The following INVS variants were observed in gnomAD, a reference collection of about 807,000 sequenced individuals.
INVS encodes inversin, also known as inversion of embryo turning homolog.
INVS carries 86 observed loss-of-function variants against 108.8 expected under a neutral mutation model. The ratio of observed to expected loss-of-function variants is 0.79; its 90% CI spans 0.66 to 0.95. The LOEUF (loss-of-function observed/expected upper bound fraction) is 0.95, where lower values mean the gene tolerates loss of function less well. Among genes scored for constraint, INVS ranks in the 40% least tolerant of loss-of-function variants. The pLI is 0.00. For synonymous variants in INVS, 455 were observed against 473.5 expected, an observed-to-expected ratio of 0.96 and a Z score of 0.51; for missense variants, 1,169 against 1,297.4, an observed-to-expected ratio of 0.90 and a Z score of 1.52.
chr9:100,180,973 A>G (rs1392088119), intron 3 of INVS, among the ~76,000 whole-genome samples: 5 of 152,232 alleles, frequency 3.3e-5, no homozygotes, highest in Non-Finnish European at 5.9e-5. Flanking sequence ...GGCTGGTTCA[A>G]CATACACAAA....
intron 3 of INVS, among the ~76,000 whole-genome samples, chr9:100,173,555 C>G (rs1161621743): frequency 2.0e-5 from 3 of 152,086 alleles, no homozygotes; most frequent in Admixed American, 6.6e-5. Context: ...TGGTGAAACC[C>G]CGTCTCTACT....
chr9:100,298,558 G>A (rs971723731), intron 16 of INVS, among the ~76,000 whole-genome samples: 4 of 152,022 alleles, frequency 2.6e-5, no homozygotes, highest in Non-Finnish European at 5.9e-5. Flanking sequence ...GTTCATTGCT[G>A]TCAGCAGCTA....
In INVS at chr9:100,283,640, C is replaced by A. The variant is rs534433828; in HGVS notation, c.1785-680C>A. Reference sequence around the variant, plus strand: ...CCCAGCTACTCATCTTTAGACGGGCCCCTGCTCCCCAGCCCTTCTCTGTTC... The same window carrying A: ...CCCAGCTACTCATCTTTAGACGGGCACCTGCTCCCCAGCCCTTCTCTGTTC... On this transcript the variant is annotated intron_variant, in intron 12 of 16. Transcript: ENST00000262457. Among the ~76,000 whole-genome samples, 10 of 152,264 alleles carry A rather than the reference C, an allele frequency of 6.6e-5. No individual in the cohort carries two copies. In the East Asian group the frequency reaches 1.9e-3, roughly 29 times the overall value.
intron 2 of INVS, among the ~76,000 whole-genome samples, chr9:100,111,545 G>A (rs983548357): frequency 3.3e-5 from 5 of 152,218 alleles, no homozygotes; most frequent in African/African-American, 1.2e-4. Flanking sequence ...CTCCACAGTT[G>A]CCAGAATAAT....
chr9:100,179,249 G>A (rs919052777), intron 3 of INVS, among the ~76,000 whole-genome samples: 3 of 152,082 alleles, frequency 2.0e-5, no homozygotes, highest in Non-Finnish European at 4.4e-5. Flanking sequence ...AAAATAACCA[G>A]GTAGCATCAC....
Position 100,125,681 on chromosome 9 carries a change from A to AT in INVS, c.107-681dup, listed in dbSNP as rs68122542. On this transcript the variant is annotated intron_variant, in intron 2 of 16. Transcript: ENST00000262457. The stretch of plus-strand genomic sequence containing the variant: ...TGTCTAGAAAGGGAAATCAACTGTG[A>AT]TTTTTTTTTTTTTTTTTTTTTGAGA... Among the ~76,000 whole-genome samples the AT allele has an allele frequency of 3.2e-3, 314 of 99,006 alleles. 2 individuals carry two copies. The highest frequency in any genetic ancestry group is 0.011 in the Middle Eastern group (2 of 188). The allele number at this position is 99,006 out of a possible 152,430, so 65.0% of individuals were successfully genotyped here. A position where few individuals can be genotyped will look rare whatever the true frequency, so the allele number is the denominator to read the frequency against.
At chr9:100,188,656 G>A (rs375294944) in intron 3 of INVS, among the ~76,000 whole-genome samples, 4 of 138,774 alleles carry the variant, frequency 2.9e-5, no homozygotes, top group East Asian at 2.0e-4. Context: ...TTTTTTGTCC[G>A]TTAGATCCTT....
At chr9:100,274,020 T>C (rs1833043309) in intron 12 of INVS, among the ~76,000 whole-genome samples, 2 of 152,130 alleles carry the variant, frequency 1.3e-5, no homozygotes, top group African/African-American at 4.8e-5. Context: ...TGATACAAAA[T>C]AGCTGTCTGT....
chr9:100,163,460 A>G (rs1036343697), intron 3 of INVS, among the ~76,000 whole-genome samples: 7 of 152,200 alleles, frequency 4.6e-5, no homozygotes, highest in African/African-American at 1.7e-4. Flanking sequence ...ACTGCTCTAT[A>G]TATGTGGGAT....
At chr9:100,203,589 G>T (rs530453956) in intron 3 of INVS, among the ~76,000 whole-genome samples, 2 of 140,094 alleles carry the variant, frequency 1.4e-5, no homozygotes, top group Non-Finnish European at 3.0e-5. Context: ...TGTAAACTCT[G>T]CCTCCCCAGT....
chr9:100,168,327 CATCAAGCTTGAGCTGGGAGGCTGCTGGCA>C (rs1829430447), intron 3 of INVS, among the ~76,000 whole-genome samples: 1 of 152,168 alleles, frequency 6.6e-6, no homozygotes, highest in Non-Finnish European at 1.5e-5. Flanking sequence ...ACTAACAGAA[CATCAAGCTTGAGCTGGGAGGCTGCTGGCA>C]ACGATCAGCC....
chr9:100,111,496 C>T (rs1012247224), intron 2 of INVS, among the ~76,000 whole-genome samples: 2 of 152,242 alleles, frequency 1.3e-5, no homozygotes, highest in African/African-American at 4.8e-5. Context: ...ATGCCAGCCA[C>T]GTTGAGCAAG....
chr9:100,254,174 G>A (rs1210690361), intron 10 of INVS, among the ~76,000 whole-genome samples: 1 of 152,174 alleles, frequency 6.6e-6, no homozygotes, highest in African/African-American at 2.4e-5. Context: ...CAGTGATGAT[G>A]AGCATTTTTT....
intron 9 of INVS, 77 bp from the exon 10 acceptor site, chr9:100,252,830 A>G (rs576129243): frequency 4.1e-6 from 4 of 978,634 alleles, no homozygotes; most frequent in Middle Eastern, 2.1e-4. Flanking sequence ...TTAAGGAACA[A>G]TTGTTTTTTC....
At chr9:100,217,645 A>C (rs548893208) in intron 3 of INVS, among the ~76,000 whole-genome samples, 1 of 152,290 alleles carries the variant, frequency 6.6e-6, no homozygotes, top group South Asian at 2.1e-4. Flanking sequence ...CTTTTAGTAA[A>C]TAGAGTAGTA....
intron 2 of INVS, among the ~76,000 whole-genome samples, chr9:100,110,729 A>G (rs1776748099): frequency 6.6e-6 from 1 of 152,226 alleles, no homozygotes. Context: ...GAGACATAAC[A>G]ATATTCTGCC....
intron 3 of INVS, among the ~76,000 whole-genome samples, chr9:100,128,107 A>G (rs1165321138): frequency 6.6e-6 from 1 of 152,218 alleles, no homozygotes; most frequent in Non-Finnish European, 1.5e-5. Flanking sequence ...ATCCAACAGT[A>G]TAACATCCTG....
At chr9:100,125,260 C>T (rs919749979) in intron 2 of INVS, among the ~76,000 whole-genome samples, 59 of 152,210 alleles carry the variant, frequency 3.9e-4, no homozygotes, top group Non-Finnish European at 6.8e-4. Context: ...CTCCTCCCAA[C>T]GGTCTCTATA....
In INVS at chr9:100,292,200, C is replaced by T; in HGVS notation, c.2069-126C>T. 14 of 873,638 alleles carry T rather than the reference C, an allele frequency of 1.6e-5. No homozygotes were observed. The Admixed American group carries it at 1.6e-4, about 10-fold the overall frequency. 54.1% of individuals were successfully genotyped at this position (873,638 alleles called of 1,614,324 possible). A position where few individuals can be genotyped will look rare whatever the true frequency, so the allele number is the denominator to read the frequency against. Reference sequence around the variant, plus strand: ...GAAATAGAAGTTAAACCGTTTTTTTCCTAGTCTGTAACTGCCACTATTATG... The same window carrying T: ...GAAATAGAAGTTAAACCGTTTTTTTTCTAGTCTGTAACTGCCACTATTATG... On this transcript the variant is annotated intron_variant, in intron 13 of 16. Coordinates refer to ENST00000262457, the MANE Select transcript of INVS (RefSeq NM_014425.5).
Sources: gnomAD v4.1 joint callset for allele counts (sites outside exome capture counted in the v4.1 genomes callset) on GRCh38, gnomAD v4.1.1 for gene constraint, MANE v1.5 for transcripts, NCBI Gene and HGNC (gene_info 2026-07-23, HGNC 2026-07-21) for gene names.